Variants in RABEP1 observed in about 807,000 individuals in gnomAD.
RABEP1 encodes the protein rabaptin, RAB GTPase binding effector protein 1.
Under a neutral mutation model 123.4 loss-of-function variants are expected in RABEP1, and 51 were observed. The ratio of observed to expected loss-of-function variants is 0.41; its 90% confidence interval spans 0.33 to 0.52. The LOEUF (loss-of-function observed/expected upper bound fraction) is 0.52, where lower values mean the gene tolerates loss of function less well. RABEP1 is among the 20% of genes least tolerant of loss of function. The pLI, the probability that RABEP1 is intolerant of heterozygous loss-of-function variation, is 0.16. For synonymous variants in RABEP1, 347 were observed against 355.2 expected, an observed-to-expected ratio of 0.98 and a Z score of 0.26; for missense variants, 888 against 996.3, an observed-to-expected ratio of 0.89 and a Z score of 1.46.
rs942380687 is a variant in RABEP1 at position 5,283,776 on chromosome 17, T to G, written c.34+1256T>G. On this transcript the variant is annotated intron_variant, in intron 1 of 17. Transcript: ENST00000537505. The stretch of plus-strand genomic sequence containing the variant: ...TCTGGCTGCTCTCTGGGAAATGTGC[T>G]TCAGAGCCTGTTAGCCTGTAGTTTT... 4.6e-5 allele frequency: 7 copies of G among 152,324 alleles called. No homozygotes were observed. The East Asian group carries it at 1.3e-3, about 29-fold the overall frequency. The allele number at this position is 152,324 out of a possible 1,614,324, so 9.4% of individuals were successfully genotyped here. A position where few individuals can be genotyped will look rare whatever the true frequency, so the allele number is the denominator to read the frequency against.
At chr17:5,329,817 T>TTATATA (rs1458089567) in intron 2 of RABEP1, among the ~76,000 whole-genome samples, 1 of 101,620 alleles carries the variant, frequency 9.8e-6, no homozygotes, top group Non-Finnish European at 1.8e-5. Flanking sequence ...ATATATATGT[T>TTATATA]CATATATATA....
At chr17:5,317,280 G>T (rs538045191) in intron 2 of RABEP1, among the ~76,000 whole-genome samples, 41 of 152,146 alleles carry the variant, frequency 2.7e-4, no homozygotes, top group Non-Finnish European at 4.4e-4. Flanking sequence ...GGAATGCAAG[G>T]TTGGTGCAAC....
At chr17:5,356,048 T>C (rs1908984438) in intron 8 of RABEP1, among the ~76,000 whole-genome samples, 2 of 152,266 alleles carry the variant, frequency 1.3e-5, no homozygotes, top group Admixed American at 6.5e-5. Context: ...TTTGATTCTC[T>C]CTTAACAGAT....
At position 5,385,915 on chromosome 17, in the gene RABEP1, C is replaced by T. The variant is rs1208226119; in HGVS notation, c.*2692C>T. On this transcript the variant is annotated 3_prime_UTR_variant, in exon 18 of 18. Transcript: ENST00000537505. The stretch of plus-strand genomic sequence containing the variant: ...ACAGCTCACAAGAATAACTAACTTG[C>T]TCAAATATGGAGAAAACTCAATAGG... The T allele has an allele frequency of 5.8e-6, 2 of 342,170 alleles. No individual in the cohort carries two copies. Among genetic ancestry groups the T allele is most frequent in the Non-Finnish European group, 1.0e-5 (2 of 191,488 alleles). The allele number at this position is 342,170 out of a possible 1,614,324, so 21.2% of individuals were successfully genotyped here. A position where few individuals can be genotyped will look rare whatever the true frequency, so the allele number is the denominator to read the frequency against.
intron 1 of RABEP1, among the ~76,000 whole-genome samples, chr17:5,299,950 G>GTGC (rs1180588897): frequency 1.5e-4 from 23 of 151,728 alleles, no homozygotes; most frequent in African/African-American, 5.6e-4. Flanking sequence ...GGATGCTCTT[G>GTGC]ATCTCTTGAC....
intron 5 of RABEP1, among the ~76,000 whole-genome samples, chr17:5,343,299 A>G (rs1907776859): frequency 6.6e-6 from 1 of 152,204 alleles, no homozygotes; most frequent in South Asian, 2.1e-4. Context: ...CATGCCTGTA[A>G]TTCCAGCACT....
chr17:5,308,893 T>C, intron 2 of RABEP1, 71 bp downstream of exon 2: 1 of 1,368,392 alleles, frequency 7.3e-7, no homozygotes, highest in South Asian at 1.5e-5. Flanking sequence ...TTGGTAGTAG[T>C]GTTAATTTTA....
At chr17:5,364,981 T>G in intron 10 of RABEP1, 141 bp from the exon 11 acceptor site, 1 of 590,894 alleles carries the variant, frequency 1.7e-6, no homozygotes, top group Non-Finnish European at 3.0e-6. Flanking sequence ...TTTATCTAAT[T>G]TCTGTCTGAA....
At chr17:5,285,306 T>C (rs2074967465) in intron 1 of RABEP1, among the ~76,000 whole-genome samples, 1 of 151,804 alleles carries the variant, frequency 6.6e-6, no homozygotes, top group African/African-American at 2.4e-5. Flanking sequence ...TCTTTTTTTT[T>C]TTTTTCTTTT....
intron 12 of RABEP1, among the ~76,000 whole-genome samples, chr17:5,371,059 CG>C (rs1567550451): frequency 6.6e-6 from 1 of 152,004 alleles, no homozygotes; most frequent in Non-Finnish European, 1.5e-5. Flanking sequence ...CTCCGCCTCC[CG>C]GGCTCACGCC....
At chr17:5,324,263 G>A (rs186124998) in intron 2 of RABEP1, among the ~76,000 whole-genome samples, 4 of 152,190 alleles carry the variant, frequency 2.6e-5, no homozygotes, top group African/African-American at 9.6e-5. Flanking sequence ...ACAGAATAGA[G>A]TACCCAGAAA....
chr17:5,332,067 C>G lies in RABEP1; in HGVS notation c.282C>G (p.Val94=), dbSNP rs751118635. The G allele has an allele frequency of 6.2e-7, 1 of 1,614,086 alleles. No individual in the cohort carries two copies. Among genetic ancestry groups the G allele is most frequent in the South Asian group, 1.1e-5 (1 of 91,082 alleles). Residue 94 remains valine, a synonymous_variant, in exon 3 of 18, where the codon GTC becomes GTG. Transcript: ENST00000537505. ...AGAATATTAAGGCGATTGCCACAGT[C>G]TCTGAGAACACCAAGCAAGAAGCTA... ...EMENIKAIAT[V]SENTKQEAID...
chr17:5,368,591 C>G, intron 12 of RABEP1, 123 bp downstream of exon 12: 1 of 656,930 alleles, frequency 1.5e-6, no homozygotes, highest in Non-Finnish European at 2.6e-6. Context: ...TGTCTTCTCC[C>G]GGGACTGTAG....
At chr17:5,333,740 T>G (rs1567528882) in intron 3 of RABEP1, among the ~76,000 whole-genome samples, 2 of 152,198 alleles carry the variant, frequency 1.3e-5, no homozygotes, top group Admixed American at 6.5e-5. Flanking sequence ...ATGTCAACAA[T>G]GCCTCAAACT....
At chr17:5,350,102 C>T (rs1001668094) in intron 6 of RABEP1, among the ~76,000 whole-genome samples, 1 of 152,038 alleles carries the variant, frequency 6.6e-6, no homozygotes, top group Non-Finnish European at 1.5e-5. Flanking sequence ...TACCATTGGC[C>T]GGGCGCGGTG....
intron 9 of RABEP1, chr17:5,362,141 T>C (rs1020840698): frequency 1.2e-5 from 2 of 162,020 alleles, no homozygotes; most frequent in Admixed American, 5.6e-5. Context: ...GAAACCAATC[T>C]TTAATGAAGT....
chr17:5,309,385 C>T (rs2075212951), intron 2 of RABEP1, among the ~76,000 whole-genome samples: 3 of 152,078 alleles, frequency 2.0e-5, no homozygotes, highest in South Asian at 4.1e-4. Flanking sequence ...CGCGGTGGCT[C>T]ACACCTGTAA....
At chr17:5,298,263 G>A (rs1038104944) in intron 1 of RABEP1, among the ~76,000 whole-genome samples, 3 of 152,090 alleles carry the variant, frequency 2.0e-5, no homozygotes, top group Admixed American at 6.6e-5. Flanking sequence ...AGGGAGATAA[G>A]GAATTACATC....
At position 5,282,377 on chromosome 17, in the gene RABEP1, G is replaced by C; in HGVS notation, c.-110G>C. 1.2e-6 allele frequency: 1 copy of C among 804,670 alleles called. No homozygotes were observed. The highest frequency in any genetic ancestry group is 1.7e-6 in the Non-Finnish European group (1 of 586,196). The allele number at this position is 804,670 out of a possible 1,614,324, so 49.8% of individuals were successfully genotyped here. A position where few individuals can be genotyped will look rare whatever the true frequency, so the allele number is the denominator to read the frequency against. ...ATCCAGCCTTAGCGGTTTCTCTCTG[G>C]GCGGCGGCGGCGGCGGCTCGGTTGA... is the stretch of plus-strand genomic sequence containing the variant. On this transcript the variant is annotated 5_prime_UTR_variant, in exon 1 of 18. Coordinates refer to ENST00000537505, the MANE Select transcript of RABEP1 (RefSeq NM_004703.6).
Sources: allele counts gnomAD v4.1 joint callset (sites outside exome capture counted in the v4.1 genomes callset), GRCh38; gene constraint gnomAD v4.1.1; transcripts MANE v1.5; gene names NCBI Gene and HGNC (gene_info 2026-07-23, HGNC 2026-07-21).